Variants in NKAIN2 observed in about 807,000 individuals in gnomAD.
The protein encoded by NKAIN2 is sodium/potassium transporting ATPase interacting 2, also known as sodium/potassium-transporting ATPase subunit beta-1-interacting protein 2.
NKAIN2 carries 14 observed loss-of-function variants against 32.6 expected under a neutral mutation model. The observed-to-expected ratio is 0.43, with a 90% CI of 0.28 to 0.67. The LOEUF (loss-of-function observed/expected upper bound fraction) is 0.67. NKAIN2 is among the 30% of genes least tolerant of loss of function. The pLI, the probability that NKAIN2 is intolerant of heterozygous loss-of-function variation, is 0.17. For synonymous variants in NKAIN2, 80 were observed against 87.2 expected (o/e 0.92, Z 0.46); for missense variants, 198 against 258.3 (o/e 0.77, Z 1.60).
At chr6:123,979,548 C>T (rs1778797530) in intron 1 of NKAIN2, among the ~76,000 whole-genome samples, 1 of 152,136 alleles carries the variant, frequency 6.6e-6, no homozygotes, top group Non-Finnish European at 1.5e-5. Context: ...CATCCAGCAT[C>T]CCAGAGAAGT....
chr6:123,862,118 C>T (rs979673094), intron 1 of NKAIN2, among the ~76,000 whole-genome samples: 5 of 152,080 alleles, frequency 3.3e-5, no homozygotes, highest in African/African-American at 1.2e-4. Context: ...TTCAAATTGA[C>T]CATTTTCTCA....
chr6:123,998,685 C>A (rs180712591), intron 1 of NKAIN2, among the ~76,000 whole-genome samples: 101 of 151,800 alleles, frequency 6.7e-4, no homozygotes, highest in Non-Finnish European at 1.1e-3. Context: ...TATGGAAACA[C>A]CCTAACTGTC....
chr6:123,883,479 A>G (rs957553789), intron 1 of NKAIN2, among the ~76,000 whole-genome samples: 2 of 151,812 alleles, frequency 1.3e-5, no homozygotes, highest in African/African-American at 4.8e-5. Flanking sequence ...TTTTTTAAAA[A>G]GTGTGTAGCG....
At chr6:124,018,178 C>T (rs1780679998) in intron 1 of NKAIN2, among the ~76,000 whole-genome samples, 1 of 152,186 alleles carries the variant, frequency 6.6e-6, no homozygotes, top group South Asian at 2.1e-4. Flanking sequence ...CTGAGCTGTA[C>T]CTTGGCCCCA....
intron 1 of NKAIN2, among the ~76,000 whole-genome samples, chr6:123,938,516 T>C (rs1776657753): frequency 7.2e-6 from 1 of 139,044 alleles, no homozygotes; most frequent in African/African-American, 2.6e-5. Context: ...ATATATTATA[T>C]ATATTTATAT....
chr6:124,069,034 T>G (rs1403304304), intron 1 of NKAIN2, among the ~76,000 whole-genome samples: 1 of 152,076 alleles, frequency 6.6e-6, no homozygotes, highest in African/African-American at 2.4e-5. Flanking sequence ...ATTTTTTTTG[T>G]TTCCTTTTTA....
At chr6:124,142,570 G>A (rs1787199288) in intron 1 of NKAIN2, among the ~76,000 whole-genome samples, 2 of 152,204 alleles carry the variant, frequency 1.3e-5, no homozygotes, top group African/African-American at 2.4e-5. Context: ...GAAAAAACAC[G>A]CAGTTGGATA....
intron 3 of NKAIN2, among the ~76,000 whole-genome samples, chr6:124,634,708 G>A (rs1454214015): frequency 6.6e-6 from 1 of 152,026 alleles, no homozygotes; most frequent in African/African-American, 2.4e-5. Context: ...AGTTTTAGAA[G>A]AGATATAGAC....
intron 4 of NKAIN2, among the ~76,000 whole-genome samples, chr6:124,691,879 AG>A (rs1774272076): frequency 6.6e-6 from 1 of 152,174 alleles, no homozygotes; most frequent in Non-Finnish European, 1.5e-5. Context: ...TTTACAATAT[AG>A]TTTTTTTTGA....
chr6:124,082,387 T>C (rs888146081), intron 1 of NKAIN2, among the ~76,000 whole-genome samples: 1 of 152,142 alleles, frequency 6.6e-6, no homozygotes, highest in Non-Finnish European at 1.5e-5. Flanking sequence ...TCTGAAGTCA[T>C]TCAAGTGTAG....
chr6:124,084,136 G>A (rs1784092375), intron 1 of NKAIN2, among the ~76,000 whole-genome samples: 2 of 151,844 alleles, frequency 1.3e-5, no homozygotes, highest in Non-Finnish European at 2.9e-5. Context: ...ACAAGAGAGG[G>A]AAAATAAGGA....
chr6:124,622,924 T>C (rs890357338), intron 3 of NKAIN2, among the ~76,000 whole-genome samples: 1 of 151,854 alleles, frequency 6.6e-6, no homozygotes, highest in African/African-American at 2.4e-5. Context: ...GGATAGGGGG[T>C]GTGGTGGACC....
intron 1 of NKAIN2, among the ~76,000 whole-genome samples, chr6:123,859,487 A>G (rs939389691): frequency 6.6e-6 from 1 of 151,754 alleles, no homozygotes; most frequent in African/African-American, 2.4e-5. Context: ...AAGTTGCAAG[A>G]TGTTATTTTA....
At chr6:124,812,260 T>TA (rs1562398776) in intron 5 of NKAIN2, among the ~76,000 whole-genome samples, 1 of 152,196 alleles carries the variant, frequency 6.6e-6, no homozygotes, top group Non-Finnish European at 1.5e-5. Context: ...CTTCTCTTTA[T>TA]TATCATTCAA....
intron 1 of NKAIN2, among the ~76,000 whole-genome samples, chr6:123,831,694 C>G (rs1404749339): frequency 7.1e-6 from 1 of 140,132 alleles, no homozygotes; most frequent in Non-Finnish European, 1.5e-5. Context: ...TTTGCTCTGT[C>G]GCCCAGGCTG....
At chr6:124,143,990 T>G (rs1787267569) in intron 1 of NKAIN2, among the ~76,000 whole-genome samples, 2 of 152,174 alleles carry the variant, frequency 1.3e-5, no homozygotes, top group Non-Finnish European at 2.9e-5. Flanking sequence ...GCCCTAGATC[T>G]GATGTAATGT....
At chr6:124,558,667 G>A (rs1218659385) in intron 3 of NKAIN2, among the ~76,000 whole-genome samples, 2 of 152,188 alleles carry the variant, frequency 1.3e-5, no homozygotes, top group Non-Finnish European at 2.9e-5. Flanking sequence ...CCAGACCTCA[G>A]CTGGATGTGG....
At chr6:124,217,200 G>T (rs1791523641) in intron 1 of NKAIN2, among the ~76,000 whole-genome samples, 1 of 152,080 alleles carries the variant, frequency 6.6e-6, no homozygotes, top group Admixed American at 6.6e-5. Context: ...ACTTGAAAGT[G>T]GTGGCCTACA....
rs1391182203 is a variant in NKAIN2, at chr6:124,559,845, T to A, written c.274-98341T>A. 2.1e-5 allele frequency among the ~76,000 whole-genome samples: 3 copies of A among 141,436 alleles called. No individual in the cohort carries two copies. The Admixed American group carries it at 2.2e-4, about 10-fold the overall frequency. 92.8% of individuals were successfully genotyped at this position (141,436 alleles called of 152,430 possible). ...GTAAGAAATAAACCATTTTTTTTTT[T>A]TTTTTTTTTTTTTTTTGCTTTAAGC... is the stretch of plus-strand genomic sequence containing the variant. On this transcript the variant is annotated intron_variant, in intron 3 of 6. Coordinates refer to ENST00000368417, the MANE Select transcript of NKAIN2 (RefSeq NM_001040214.3).
Sources: allele counts gnomAD v4.1 joint callset (sites outside exome capture counted in the v4.1 genomes callset), GRCh38; gene constraint gnomAD v4.1.1; transcripts MANE v1.5; gene names NCBI Gene and HGNC (gene_info 2026-07-23, HGNC 2026-07-21).